Variants in ADGRL2 observed in about 807,000 individuals in gnomAD.
ADGRL2 encodes the protein calcium-independent alpha-latrotoxin receptor 2.
ADGRL2 carries 44 observed loss-of-function variants against 157.4 expected under a neutral mutation model. The observed-to-expected ratio is 0.28, with a 90% CI of 0.22 to 0.36. ADGRL2 has a LOEUF of 0.36. ADGRL2 is among the 10% of genes least tolerant of loss of function. ADGRL2 has a pLI of 1.00. For missense variants in ADGRL2, 1,510 were observed against 1,768.9 expected, an observed-to-expected ratio of 0.85 and a Z score of 2.63; for synonymous variants, 585 against 624.7, an observed-to-expected ratio of 0.94 and a Z score of 0.95.
At chr1:81,429,975 C>A (rs879282699) in intron 1 of ADGRL2, among the ~76,000 whole-genome samples, 1 of 152,144 alleles carries the variant, frequency 6.6e-6, no homozygotes, top group African/African-American at 2.4e-5. Flanking sequence ...CTCACCGCAA[C>A]CTCCGCCTCC....
At chr1:81,381,151 C>T (rs1403448366) in intron 1 of ADGRL2, among the ~76,000 whole-genome samples, 1 of 151,918 alleles carries the variant, frequency 6.6e-6, no homozygotes, top group Non-Finnish European at 1.5e-5. Context: ...GGAATCTCTT[C>T]TTTTAATTGT....
At chr1:81,832,911 T>A (rs13374408) in intron 1 of ADGRL2, among the ~76,000 whole-genome samples, 21,367 of 152,152 alleles carry the variant, frequency 0.14, 1,667 homozygotes, top group East Asian at 0.2. Context: ...TCTGTAAAGA[T>A]TACACATAAA....
chr1:81,809,694 T>G (rs527421346), intron 1 of ADGRL2, among the ~76,000 whole-genome samples: 1 of 152,146 alleles, frequency 6.6e-6, no homozygotes, highest in East Asian at 1.9e-4. Flanking sequence ...ACCCCTTTCT[T>G]GGTCACACAT....
intron 2 of ADGRL2, among the ~76,000 whole-genome samples, chr1:81,790,890 C>A (rs1299704562): frequency 6.6e-6 from 1 of 151,470 alleles, no homozygotes; most frequent in African/African-American, 2.4e-5. Context: ...ATGGTGAAAC[C>A]CTGTCTCTGC....
chr1:81,903,038 G>A (rs1427616469), intron 2 of ADGRL2, among the ~76,000 whole-genome samples: 2 of 152,148 alleles, frequency 1.3e-5, no homozygotes, highest in African/African-American at 2.4e-5. Flanking sequence ...TGATTAAAAG[G>A]AGCTTGCCTG....
chr1:81,352,513 G>C (rs189040973), intron 1 of ADGRL2, among the ~76,000 whole-genome samples: 4 of 152,240 alleles, frequency 2.6e-5, no homozygotes, highest in Admixed American at 6.5e-5. Context: ...GGTTCTGGAG[G>C]ATACTAGTTT....
At chr1:81,485,055 CTA>C (rs2147907505) in intron 2 of ADGRL2, among the ~76,000 whole-genome samples, 1 of 151,822 alleles carries the variant, frequency 6.6e-6, no homozygotes, top group South Asian at 2.1e-4. Context: ...GCTTTGAATG[CTA>C]TGACAAACTG....
chr1:81,573,984 G>C (rs1326518984), intron 2 of ADGRL2, among the ~76,000 whole-genome samples: 1 of 152,140 alleles, frequency 6.6e-6, no homozygotes, highest in Non-Finnish European at 1.5e-5. Context: ...ACAGACAGTA[G>C]CTATTCCTGG....
intron 3 of ADGRL2, among the ~76,000 whole-genome samples, chr1:81,650,924 T>A (rs1436431295): frequency 1.3e-5 from 2 of 152,164 alleles, no homozygotes; most frequent in Non-Finnish European, 2.9e-5. Context: ...CATTTTCTAT[T>A]TGCAGTTTTT....
At chr1:81,590,426 GT>G (rs1393436019) in intron 3 of ADGRL2, among the ~76,000 whole-genome samples, 2 of 152,118 alleles carry the variant, frequency 1.3e-5, no homozygotes, top group South Asian at 4.2e-4. Context: ...TTTCAACCCA[GT>G]TTCCCATTGT....
chr1:81,608,906 C>T (rs541407456), intron 3 of ADGRL2, among the ~76,000 whole-genome samples: 3 of 152,164 alleles, frequency 2.0e-5, no homozygotes, highest in South Asian at 2.1e-4. Flanking sequence ...AAGGTGGCTT[C>T]GAGATCTCAG....
chr1:81,785,139 GGA>G (rs2086983713), intron 2 of ADGRL2, among the ~76,000 whole-genome samples: 1 of 152,112 alleles, frequency 6.6e-6, no homozygotes, highest in South Asian at 2.1e-4. Context: ...TCATTTAAAT[GGA>G]GTCTATTCCA....
intron 22 of ADGRL2, chr1:81,987,488 A>G (rs1572536182): frequency 1.4e-6 from 1 of 713,258 alleles, no homozygotes; most frequent in East Asian, 2.5e-5. Context: ...AAACTATAGT[A>G]TAGTGCAGCT....
chr1:81,989,060 A>AC (rs1169547284), intron 23 of ADGRL2, among the ~76,000 whole-genome samples: 1 of 149,678 alleles, frequency 6.7e-6, no homozygotes, highest in Non-Finnish European at 1.5e-5. Context: ...TTTTCTCTTG[A>AC]CTTTTTTTTT....
At chr1:81,316,296 A>G (rs1660105875) in intron 1 of ADGRL2, among the ~76,000 whole-genome samples, 1 of 152,154 alleles carries the variant, frequency 6.6e-6, no homozygotes, top group Non-Finnish European at 1.5e-5. Context: ...TACTGGATCA[A>G]TTTTACATTA....
intron 3 of ADGRL2, among the ~76,000 whole-genome samples, chr1:81,909,230 T>G (rs539589469): frequency 3.6e-4 from 53 of 147,660 alleles, no homozygotes; most frequent in East Asian, 1.2e-3. Context: ...AATTGAGGGG[T>G]TTTTTTTTAG....
intron 3 of ADGRL2, among the ~76,000 whole-genome samples, chr1:81,639,277 G>C (rs963470065): frequency 6.6e-6 from 1 of 152,014 alleles, no homozygotes; most frequent in Non-Finnish European, 1.5e-5. Context: ...CACCATGTTG[G>C]CCAGGCTGGT....
chr1:81,915,550 A>C (rs1222446375), intron 3 of ADGRL2, among the ~76,000 whole-genome samples: 1 of 152,156 alleles, frequency 6.6e-6, no homozygotes, highest in Non-Finnish European at 1.5e-5. Flanking sequence ...TATTTTCCAT[A>C]AGGACATTAC....
intron 2 of ADGRL2, among the ~76,000 whole-genome samples, chr1:81,470,035 C>G (rs1431604752): frequency 2.0e-5 from 3 of 152,190 alleles, no homozygotes; most frequent in Non-Finnish European, 4.4e-5. Flanking sequence ...GACCAAGAGT[C>G]TCTCTAGAGT....
Sources: allele counts gnomAD v4.1 joint callset (sites outside exome capture counted in the v4.1 genomes callset), GRCh38; gene constraint gnomAD v4.1.1; transcripts MANE v1.5; gene names NCBI Gene and HGNC (gene_info 2026-07-23, HGNC 2026-07-21).